The following CDH8 variants were observed in gnomAD, a reference collection of about 807,000 sequenced individuals.
The protein encoded by CDH8 is cadherin-8.
In CDH8, 17 loss-of-function variants were observed where a neutral mutation model predicts 68.1. That is an observed-to-expected ratio of 0.25 (90% CI 0.17 to 0.37). CDH8 has a LOEUF of 0.37. Ranked by LOEUF, CDH8 falls within the 10% of genes least tolerant of loss-of-function variation. CDH8 has a pLI of 1.00. For missense variants in CDH8, 763 were observed against 999.3 expected (o/e 0.76, Z 3.19); for synonymous variants, 372 against 365.1 (o/e 1.02, Z -0.21).
chr16:61,692,611 T>A (rs1232433132), intron 10 of CDH8: 1 of 150,976 alleles, frequency 6.6e-6, no homozygotes, highest in African/African-American at 2.4e-5. Context: ...GGAGAATAGG[T>A]CTTATTTTCC....
At chr16:62,018,732 G>A (rs1902001985) in intron 2 of CDH8, among the ~76,000 whole-genome samples, 1 of 152,168 alleles carries the variant, frequency 6.6e-6, no homozygotes, top group Non-Finnish European at 1.5e-5. Context: ...ATTGGTCATG[G>A]TAGGAAACCG....
intron 10 of CDH8, among the ~76,000 whole-genome samples, chr16:61,712,758 A>G (rs1451890369): frequency 6.6e-6 from 1 of 151,668 alleles, no homozygotes; most frequent in Non-Finnish European, 1.5e-5. Flanking sequence ...CTATATAACA[A>G]CTGTCATTTC....
intron 7 of CDH8, among the ~76,000 whole-genome samples, chr16:61,790,165 T>G (rs1433855348): frequency 1.3e-5 from 2 of 151,996 alleles, no homozygotes; most frequent in African/African-American, 2.4e-5. Flanking sequence ...AATTAAGAAT[T>G]TCAAAGGGAC....
At chr16:61,969,090 A>G (rs1965299085) in intron 2 of CDH8, among the ~76,000 whole-genome samples, 2 of 152,248 alleles carry the variant, frequency 1.3e-5, no homozygotes, top group African/African-American at 4.8e-5. Flanking sequence ...TTCATGTTTA[A>G]GGAGAAACAG....
At chr16:61,721,909 C>A (rs2142883396) in intron 9 of CDH8, among the ~76,000 whole-genome samples, 1 of 150,740 alleles carries the variant, frequency 6.6e-6, no homozygotes, top group East Asian at 2.0e-4. Context: ...GTTGCTAATA[C>A]CAAGCTCCTA....
At chr16:62,015,018 A>AACAC (rs138124538) in intron 2 of CDH8, among the ~76,000 whole-genome samples, 1 of 150,448 alleles carries the variant, frequency 6.6e-6, no homozygotes, top group Non-Finnish European at 1.5e-5. Context: ...CCCCACCACA[A>AACAC]ACACACACAC....
At chr16:61,838,882 T>C (rs1962623530) in intron 4 of CDH8, among the ~76,000 whole-genome samples, 1 of 152,130 alleles carries the variant, frequency 6.6e-6, no homozygotes, top group South Asian at 2.1e-4. Flanking sequence ...CCCTGAATTG[T>C]TAAATGAAAA....
chr16:61,653,745 C>T lies in CDH8; in HGVS notation c.2263G>A (p.Val755Met). The change falls in exon 12 of 12, where the codon GTG becomes ATG. Residue 755 changes from valine (V) to methionine (M), a missense_variant. Physicochemically the swap from Val to Met is conservative, Grantham distance 21 (BLOSUM62 1). Transcript: ENST00000577390. ...QIYGYEGRGS[V>M]AGSLSSLEST... ...TCCAAGGAGCTGAGGGAGCCAGCCA[C>T]TGACCCTCGGCCTTCATAGCCATAT... 1 of 1,614,210 alleles carries T rather than the reference C, an allele frequency of 6.2e-7. No homozygotes were observed. Among genetic ancestry groups the T allele is most frequent in the Non-Finnish European group, 8.5e-7 (1 of 1,180,044 alleles).
chr16:61,792,538 C>G (rs16963958), intron 7 of CDH8, among the ~76,000 whole-genome samples: 2 of 151,884 alleles, frequency 1.3e-5, no homozygotes, highest in Non-Finnish European at 2.9e-5. Context: ...AAGCACAGTG[C>G]TAGATTCCTT....
chr16:62,021,701 C>T, intron 1 of CDH8, 99 bp from the exon 2 acceptor site: 1 of 526,954 alleles, frequency 1.9e-6, no homozygotes, highest in East Asian at 3.4e-5. Flanking sequence ...CAATAGTAGG[C>T]ACTTCTCAAA....
intron 2 of CDH8, among the ~76,000 whole-genome samples, chr16:61,997,142 G>T (rs1018350582): frequency 6.6e-6 from 1 of 152,036 alleles, no homozygotes; most frequent in Non-Finnish European, 1.5e-5. Context: ...TAATTTTAAT[G>T]TTATTTCCAA....
At chr16:61,730,820 AC>A (rs1340921629) in intron 8 of CDH8, among the ~76,000 whole-genome samples, 3 of 151,622 alleles carry the variant, frequency 2.0e-5, no homozygotes. Flanking sequence ...AGCATAAGTC[AC>A]ATCTCTTTCA....
At chr16:61,922,009 C>T (rs189626189) in intron 2 of CDH8, among the ~76,000 whole-genome samples, 23 of 151,696 alleles carry the variant, frequency 1.5e-4, no homozygotes, top group African/African-American at 5.1e-4. Flanking sequence ...CCAGCCTGGG[C>T]GACAGAGCAA....
chr16:61,825,694 T>G (rs758063333), intron 4 of CDH8, among the ~76,000 whole-genome samples: 1 of 151,834 alleles, frequency 6.6e-6, no homozygotes, highest in Non-Finnish European at 1.5e-5. Flanking sequence ...AAAATACCAA[T>G]CAGAATTAAT....
intron 8 of CDH8, among the ~76,000 whole-genome samples, chr16:61,759,135 G>T (rs1424475274): frequency 6.6e-6 from 1 of 152,172 alleles, no homozygotes; most frequent in Non-Finnish European, 1.5e-5. Flanking sequence ...AGAGATTTGT[G>T]AGTGTGATTG....
chr16:61,915,828 G>C (rs1359794336), intron 2 of CDH8, among the ~76,000 whole-genome samples: 1 of 152,226 alleles, frequency 6.6e-6, no homozygotes, highest in Non-Finnish European at 1.5e-5. Flanking sequence ...CCCCTTTCAA[G>C]AAGAATAAGC....
At position 61,757,354 on chromosome 16, in the gene CDH8, G is replaced by T. The variant is rs191031521; in HGVS notation, c.1415-30139C>A. ...GGTTTTAGGACTTACAACTATTAAG[G>T]TATTTAAGATGTATTTTATAATATT... On this transcript the variant is annotated intron_variant, in intron 8 of 11. Transcript: ENST00000577390. Among the ~76,000 whole-genome samples the T allele has an allele frequency of 4.6e-4, 70 of 151,938 alleles. 2 individuals are homozygous for T. The East Asian group carries it at 0.013, about 29-fold the overall frequency.
At chr16:61,801,511 G>A (rs548701837) in intron 7 of CDH8, among the ~76,000 whole-genome samples, 1 of 152,296 alleles carries the variant, frequency 6.6e-6, no homozygotes, top group Non-Finnish European at 1.5e-5. Context: ...CCCAGCGTGA[G>A]CGACGCAGAA....
At chr16:62,008,298 T>C (rs1438583881) in intron 2 of CDH8, among the ~76,000 whole-genome samples, 2 of 152,164 alleles carry the variant, frequency 1.3e-5, no homozygotes, top group African/African-American at 4.8e-5. Context: ...TTTGGATTTA[T>C]GTCTCACCCT....
Sources: allele counts gnomAD v4.1 joint callset (sites outside exome capture counted in the v4.1 genomes callset), GRCh38; gene constraint gnomAD v4.1.1; transcripts MANE v1.5; gene names NCBI Gene and HGNC (gene_info 2026-07-23, HGNC 2026-07-21).